Variants in NR1D2 observed in about 807,000 individuals in gnomAD.
The protein encoded by NR1D2 is V-erbA-related protein 1-related.
Under a neutral mutation model 52.2 loss-of-function variants are expected in NR1D2, and 25 were observed. The ratio of observed to expected loss-of-function variants is 0.48; its 90% CI spans 0.35 to 0.67. The LOEUF is 0.67. NR1D2 is among the 30% of genes least tolerant of loss of function. NR1D2 has a pLI of 0.01. For missense variants in NR1D2, 681 were observed against 707.2 expected (o/e 0.96, Z 0.42); for synonymous variants, 259 against 230.1 (o/e 1.13, Z -1.14).
chr3:23,958,642 TAAAAAA>T (rs35959367), intron 3 of NR1D2, among the ~76,000 whole-genome samples: 3 of 98,100 alleles, frequency 3.1e-5, no homozygotes, highest in African/African-American at 4.1e-5. Context: ...CCTGTCTCTT[TAAAAAA>T]AAAAAAAAAA....
intron 5 of NR1D2, among the ~76,000 whole-genome samples, chr3:23,964,408 G>C (rs1706385257): frequency 6.6e-6 from 1 of 152,096 alleles, no homozygotes; most frequent in African/African-American, 2.4e-5. Flanking sequence ...ACAAAATGAG[G>C]CACCTTGCTG....
intron 1 of NR1D2, among the ~76,000 whole-genome samples, chr3:23,949,375 AC>A (rs1705863212): frequency 6.6e-6 from 1 of 151,718 alleles, no homozygotes; most frequent in African/African-American, 2.4e-5. Context: ...AAAAAAAAAA[AC>A]AACAAAAAAC....
chr3:23,960,609 G>A (rs1416786480), intron 4 of NR1D2, among the ~76,000 whole-genome samples: 1 of 152,198 alleles, frequency 6.6e-6, no homozygotes, highest in Non-Finnish European at 1.5e-5. Context: ...TGGGATTACA[G>A]GTGTGAGCCA....
In NR1D2 at chr3:23,977,559, C is replaced by T; in HGVS notation, c.*140C>T. 4.0e-6 allele frequency: 2 copies of T among 501,474 alleles called. No individual in the cohort carries two copies. The highest frequency in any genetic ancestry group is 6.7e-6 in the Non-Finnish European group (2 of 297,370). 31.1% of individuals were successfully genotyped at this position (501,474 alleles called of 1,614,324 possible). ...ATTGTAGGCTATCTCTGTAATCATGCAATAGCTGTTCGGATTGAGAACTCT... is the reference window on the plus strand; with the variant it reads ...ATTGTAGGCTATCTCTGTAATCATGTAATAGCTGTTCGGATTGAGAACTCT... On this transcript the variant is annotated 3_prime_UTR_variant, in exon 8 of 8. Transcript: ENST00000312521.
chr3:23,947,504 G>A (rs538988660), intron 1 of NR1D2, among the ~76,000 whole-genome samples: 1 of 152,312 alleles, frequency 6.6e-6, no homozygotes, highest in South Asian at 2.1e-4. Flanking sequence ...GTGGTTGGAT[G>A]ATTATCAAGT....
intron 5 of NR1D2, among the ~76,000 whole-genome samples, chr3:23,963,651 G>C (rs1461488552): frequency 6.6e-6 from 1 of 151,874 alleles, no homozygotes; most frequent in Admixed American, 6.6e-5. Flanking sequence ...GTTTCACCAC[G>C]TTGGCCAGGC....
chr3:23,963,192 T>G (rs1170862095), intron 5 of NR1D2: 5 of 1,089,268 alleles, frequency 4.6e-6, no homozygotes, highest in Non-Finnish European at 5.1e-6. Context: ...GCTTTTCTAT[T>G]TTTCCATCAA....
At chr3:23,969,928 G>A (rs1422214766) in intron 7 of NR1D2, among the ~76,000 whole-genome samples, 3 of 152,170 alleles carry the variant, frequency 2.0e-5, no homozygotes, top group Non-Finnish European at 4.4e-5. Flanking sequence ...TAGGGCCGGG[G>A]AAGGGTCAGG....
In NR1D2 at chr3:23,968,067, G is replaced by T; in HGVS notation, c.1543+44G>T. ...AATTGTGCCACACCTAGCATATAGT[G>T]ACCAACTGGGGAGAAGATGGCAGTT... On this transcript the variant is annotated intron_variant, in intron 7 of 7. Transcript: ENST00000312521. 3 of 1,483,480 alleles carry T rather than the reference G, an allele frequency of 2.0e-6. No individual in the cohort carries two copies. The South Asian group carries it at 3.4e-5, about 17-fold the overall frequency. The allele number at this position is 1,483,480 out of a possible 1,614,324, so 91.9% of individuals were successfully genotyped here. A position where few individuals can be genotyped will look rare whatever the true frequency, so the allele number is the denominator to read the frequency against.
chr3:23,947,582 C>A (rs1209459534), intron 1 of NR1D2, among the ~76,000 whole-genome samples: 1 of 152,154 alleles, frequency 6.6e-6, no homozygotes, highest in Non-Finnish European at 1.5e-5. Flanking sequence ...GTATTTTTGG[C>A]ATGTTGCTTT....
intron 7 of NR1D2, among the ~76,000 whole-genome samples, chr3:23,968,425 A>T (rs1171170715): frequency 6.6e-6 from 1 of 152,242 alleles, no homozygotes; most frequent in Non-Finnish European, 1.5e-5. Context: ...AAGAGGTATT[A>T]GTGTGGTTTG....
At chr3:23,954,444 T>G (rs1399092747) in intron 1 of NR1D2, 93 bp from the exon 2 acceptor site, 2 of 1,061,166 alleles carry the variant, frequency 1.9e-6, no homozygotes, top group South Asian at 3.0e-5. Flanking sequence ...GTATCCTGTT[T>G]CTAAAGTTAA....
intron 7 of NR1D2, among the ~76,000 whole-genome samples, chr3:23,968,402 C>A (rs1706505544): frequency 6.6e-6 from 1 of 152,174 alleles, no homozygotes; most frequent in African/African-American, 2.4e-5. Flanking sequence ...TACTTGAAAA[C>A]ATTAAAAGTA....
intron 3 of NR1D2, among the ~76,000 whole-genome samples, chr3:23,956,385 A>G (rs1559331863): frequency 6.6e-6 from 1 of 152,184 alleles, no homozygotes; most frequent in Non-Finnish European, 1.5e-5. Flanking sequence ...ATTGTGTTAA[A>G]CCAAGTGCAC....
At chr3:23,945,827 C>G (rs1233733456) in intron 1 of NR1D2, among the ~76,000 whole-genome samples, 3 of 150,780 alleles carry the variant, frequency 2.0e-5, no homozygotes, top group African/African-American at 7.3e-5. Context: ...CCGGCCCGGC[C>G]CCCCCCTCAC....
At chr3:23,954,421 ACATTT>A in intron 1 of NR1D2, 111 bp from the exon 2 acceptor site, 1 of 885,126 alleles carries the variant, frequency 1.1e-6, no homozygotes. Flanking sequence ...GTGTAAGCAA[ACATTT>A]CATATCAGTA....
chr3:23,954,854 C>T, intron 2 of NR1D2, 51 bp downstream of exon 2: 1 of 1,550,936 alleles, frequency 6.4e-7, no homozygotes, highest in Non-Finnish European at 8.8e-7. Flanking sequence ...GCAAATGGGG[C>T]TTATTTTATC....
In NR1D2 at chr3:23,956,261, A is replaced by G. The variant is rs1268390096; in HGVS notation, c.372+136A>G. ...GCTCTTTTTAAGTTTTAAGCATTTTATGTAGTGTATAAGCATAACTTGTTT... is the reference window on the plus strand; with the variant it reads ...GCTCTTTTTAAGTTTTAAGCATTTTGTGTAGTGTATAAGCATAACTTGTTT... On this transcript the variant is annotated intron_variant, in intron 3 of 7. Transcript: ENST00000312521. 4.6e-6 allele frequency: 3 copies of G among 656,558 alleles called. No individual in the cohort carries two copies. In the Admixed American group the frequency reaches 7.3e-5, roughly 16 times the overall value. The allele number at this position is 656,558 out of a possible 1,614,324, so 40.7% of individuals were successfully genotyped here.
intron 7 of NR1D2, among the ~76,000 whole-genome samples, chr3:23,974,352 G>A (rs1437007955): frequency 6.6e-6 from 1 of 152,094 alleles, no homozygotes; most frequent in Non-Finnish European, 1.5e-5. Flanking sequence ...TTAGTTATGT[G>A]TTGTGCTATG....
Sources: allele counts gnomAD v4.1 joint callset (sites outside exome capture counted in the v4.1 genomes callset), GRCh38; gene constraint gnomAD v4.1.1; transcripts MANE v1.5; gene names NCBI Gene and HGNC (gene_info 2026-07-23, HGNC 2026-07-21).